TBCK: variants seen among roughly 807,000 people sequenced by gnomAD.
TBCK encodes TBC1 domain containing kinase.
In TBCK, 99 loss-of-function variants were observed where a neutral mutation model predicts 113.4. That is an observed-to-expected ratio of 0.87 (90% confidence interval 0.74 to 1.03). The LOEUF is 1.03. Ranked by LOEUF, TBCK falls within the 50% of genes least tolerant of loss-of-function variation. The pLI, the probability that TBCK is intolerant of heterozygous loss-of-function variation, is 0.00. For missense variants in TBCK, 1,045 were observed against 1,061.3 expected, an observed-to-expected ratio of 0.98 and a Z score of 0.21; for synonymous variants, 369 against 370.8, an observed-to-expected ratio of 1.00 and a Z score of 0.05.
intron 23 of TBCK, among the ~76,000 whole-genome samples, chr4:106,118,035 C>G (rs1266882894): frequency 1.3e-5 from 2 of 150,552 alleles, no homozygotes; most frequent in African/African-American, 4.9e-5. Flanking sequence ...AAAAAACACA[C>G]AAACACTTTA....
At chr4:106,181,070 T>G (rs1229698994) in intron 22 of TBCK, among the ~76,000 whole-genome samples, 1 of 152,176 alleles carries the variant, frequency 6.6e-6, no homozygotes, top group African/African-American at 2.4e-5. Context: ...TTCTAACTGG[T>G]GTGAGATGGT....
chr4:106,235,348 T>G lies in TBCK; in HGVS notation c.1370A>C (p.Asn457Thr), dbSNP rs1759333969. The G allele has an allele frequency of 3.1e-6, 5 of 1,605,076 alleles. No homozygotes were observed. The highest frequency in any genetic ancestry group is 2.6e-6 in the Non-Finnish European group (3 of 1,175,302). ...RLLKAYPYKK[N>T]QIWKEARVDI... ...AACTCTTGCTTCTTTCCAGATTTGGTTTTTTTTATATGGATAAGCCTATGA... is the reference window on the plus strand; with the variant it reads ...AACTCTTGCTTCTTTCCAGATTTGGGTTTTTTTATATGGATAAGCCTATGA... Residue 457 changes from asparagine to threonine, a missense_variant, in exon 15 of 26, where the codon AAC (asparagine) becomes ACC (threonine). Physicochemically the swap from Asn to Thr is moderately conservative, Grantham distance 65. Transcript: ENST00000394708.
chr4:106,274,758 G>T (rs1233451891), intron 3 of TBCK, among the ~76,000 whole-genome samples: 1 of 152,152 alleles, frequency 6.6e-6, no homozygotes, highest in African/African-American at 2.4e-5. Context: ...ACAATCTTGT[G>T]AAGTGGCTCT....
intron 24 of TBCK, among the ~76,000 whole-genome samples, chr4:106,100,858 C>G (rs1188091664): frequency 6.6e-6 from 1 of 152,186 alleles, no homozygotes. Flanking sequence ...CTTGTAACTT[C>G]CTAAATGTGT....
At chr4:106,266,485 CAT>C (rs1028996702) in intron 3 of TBCK, among the ~76,000 whole-genome samples, 2 of 151,820 alleles carry the variant, frequency 1.3e-5, no homozygotes, top group African/African-American at 4.8e-5. Flanking sequence ...CTACTGAACA[CAT>C]AGACTGCATT....
intron 19 of TBCK, among the ~76,000 whole-genome samples, chr4:106,223,251 G>A (rs1199881974): frequency 6.6e-6 from 1 of 152,062 alleles, no homozygotes; most frequent in Non-Finnish European, 1.5e-5. Context: ...CATAACTTTT[G>A]GAGTGAAATT....
At chr4:106,142,771 C>T (rs986025774) in intron 23 of TBCK, among the ~76,000 whole-genome samples, 1 of 152,136 alleles carries the variant, frequency 6.6e-6, no homozygotes, top group Non-Finnish European at 1.5e-5. Flanking sequence ...CCTATCTGTG[C>T]CCATCACTCT....
chr4:106,097,600 C>G (rs927729299), intron 24 of TBCK, among the ~76,000 whole-genome samples: 1 of 152,004 alleles, frequency 6.6e-6, no homozygotes, highest in Non-Finnish European at 1.5e-5. Context: ...ATGAAGACAA[C>G]TTTGGTTATT....
At chr4:106,253,427 TA>T (rs1263957574) in intron 5 of TBCK, among the ~76,000 whole-genome samples, 7 of 152,198 alleles carry the variant, frequency 4.6e-5, no homozygotes, top group African/African-American at 1.7e-4. Flanking sequence ...GAATGCCATG[TA>T]TGGTATACAT....
chr4:106,177,518 CAG>C (rs1157774575), intron 22 of TBCK, among the ~76,000 whole-genome samples: 1 of 151,756 alleles, frequency 6.6e-6, no homozygotes, highest in Non-Finnish European at 1.5e-5. Context: ...TGGTGAGAGA[CAG>C]GGGTCTAGTT....
chr4:106,137,177 C>T lies in TBCK; in HGVS notation c.2236-20799G>A, dbSNP rs1746655613. Among the ~76,000 whole-genome samples, 2 of 138,796 alleles carry T rather than the reference C, an allele frequency of 1.4e-5. 1 individual carries two copies. 91.1% of individuals were successfully genotyped at this position (138,796 alleles called of 152,430 possible). On this transcript the variant is annotated intron_variant, in intron 23 of 25. Transcript: ENST00000394708. ...TAGAATATCATATTCTTGGAATGAT[C>T]AGCATAGAAATTGCAGTTTAGGTTA...
intron 1 of TBCK, among the ~76,000 whole-genome samples, chr4:106,309,302 TCTC>T (rs1204221409): frequency 7.1e-6 from 1 of 140,800 alleles, no homozygotes; most frequent in Admixed American, 7.4e-5. Context: ...ATAAGGCTCT[TCTC>T]TTTTTTTTTT....
chr4:106,043,042 T>C lies in TBCK; in HGVS notation c.*3528A>G, dbSNP rs528258783. 6.6e-6 allele frequency: 1 copy of C among 152,202 alleles called. No individual in the cohort carries two copies. The highest frequency in any genetic ancestry group is 1.5e-5 in the Non-Finnish European group (1 of 68,036). 9.4% of individuals were successfully genotyped at this position (152,202 alleles called of 1,614,324 possible). A position where few individuals can be genotyped will look rare whatever the true frequency, so the allele number is the denominator to read the frequency against. On this transcript the variant is annotated 3_prime_UTR_variant, in exon 26 of 26. Transcript: ENST00000394708. ...AAGCTATGTCTTCTATTCCTATATG[T>C]ATTCCAAAACCTGAGTTCTTGGGGC...
intron 24 of TBCK, among the ~76,000 whole-genome samples, chr4:106,102,655 A>C (rs1741689716): frequency 6.6e-6 from 1 of 152,186 alleles, no homozygotes; most frequent in African/African-American, 2.4e-5. Context: ...TTAGGAAAAA[A>C]AAACTTCACC....
intron 23 of TBCK, among the ~76,000 whole-genome samples, chr4:106,135,952 C>T (rs576159649): frequency 2.8e-5 from 4 of 140,868 alleles, no homozygotes; most frequent in Middle Eastern, 7.2e-3. Flanking sequence ...CAGGATTTTT[C>T]GAGGAATGTG....
chr4:106,197,862 C>T (rs938857780), intron 20 of TBCK, among the ~76,000 whole-genome samples: 1 of 152,124 alleles, frequency 6.6e-6, no homozygotes, highest in Admixed American at 6.6e-5. Flanking sequence ...AAGGTCTCTT[C>T]AGTCTTCTGT....
In TBCK at chr4:106,131,825, T is replaced by A. The variant is rs950980559; in HGVS notation, c.2236-15447A>T. 3.9e-5 allele frequency among the ~76,000 whole-genome samples: 6 copies of A among 152,094 alleles called. No homozygotes were observed. The East Asian group carries it at 1.2e-3, about 29-fold the overall frequency. ...GCTTTGACCAAAATGCTGATAGTGA[T>A]ATGAACAATAAGGTCCAGGCTGAGG... On this transcript the variant is annotated intron_variant, in intron 23 of 25. Coordinates refer to ENST00000394708, the MANE Select transcript of TBCK (RefSeq NM_001163435.3).
At position 106,239,847 on chromosome 4, in the gene TBCK, G is replaced by GA. The variant is rs1407340252; in HGVS notation, c.1170+2622dup. ...ATCATATAAAGTCTTTCAGAAAATAGAAAAAAAAAGGCAACACTCTCCTAT... is the reference window on the plus strand; with the variant it reads ...ATCATATAAAGTCTTTCAGAAAATAGAAAAAAAAAAGGCAACACTCTCCTAT... On this transcript the variant is annotated intron_variant, in intron 12 of 25. Transcript: ENST00000394708. Among the ~76,000 whole-genome samples the GA allele has an allele frequency of 4.7e-5, 7 of 148,880 alleles. No individual in the cohort carries two copies. In the East Asian group the frequency reaches 5.9e-4, roughly 13 times the overall value.
intron 1 of TBCK, 81 bp from the exon 2 acceptor site, chr4:106,309,070 G>A: frequency 3.3e-6 from 3 of 902,242 alleles, no homozygotes; most frequent in South Asian, 2.0e-5. Flanking sequence ...CATACAACTT[G>A]GAGGAAAATG....
Sources: gnomAD v4.1 joint callset for allele counts (sites outside exome capture counted in the v4.1 genomes callset) on GRCh38, gnomAD v4.1.1 for gene constraint, MANE v1.5 for transcripts, NCBI Gene and HGNC (gene_info 2026-07-23, HGNC 2026-07-21) for gene names.